Variants in NUP85 observed in about 807,000 individuals in gnomAD.
NUP85 encodes the protein nuclear pore complex protein Nup85.
A neutral mutation model predicts 92.8 loss-of-function variants in NUP85; 23 were observed. The observed-to-expected ratio is 0.25, with a 90% confidence interval of 0.18 to 0.35. NUP85 has a LOEUF of 0.35. Among genes scored for constraint, NUP85 ranks in the 10% least tolerant of loss-of-function variants. The pLI is 1.00. For synonymous variants in NUP85, 314 were observed against 306.9 expected (o/e 1.02, Z -0.24); for missense variants, 759 against 822.8 (o/e 0.92, Z 0.95).
At chr17:75,227,326 GTTTTTTTTT>G (rs71159460) in intron 11 of NUP85, among the ~76,000 whole-genome samples, 1 of 114,152 alleles carries the variant, frequency 8.8e-6, no homozygotes, top group Non-Finnish European at 1.7e-5. Flanking sequence ...TTGTTTCTGG[GTTTTTTTTT>G]TTTTTTTTTT....
chr17:75,230,782 T>TTA (rs1413734272), intron 11 of NUP85, among the ~76,000 whole-genome samples: 1 of 152,108 alleles, frequency 6.6e-6, no homozygotes, highest in Non-Finnish European at 1.5e-5. Context: ...TAGCTGGGTG[T>TTA]GGTAGCGCAT....
At chr17:75,211,150 G>C (rs564416875) in intron 3 of NUP85, among the ~76,000 whole-genome samples, 2 of 150,088 alleles carry the variant, frequency 1.3e-5, no homozygotes, top group Non-Finnish European at 3.0e-5. Context: ...TTACAGGTGC[G>C]TGCCACCACG....
chr17:75,234,955 C>A, intron 17 of NUP85, 145 bp from the exon 18 acceptor site: 1 of 1,062,512 alleles, frequency 9.4e-7, no homozygotes, highest in Non-Finnish European at 1.5e-6. Flanking sequence ...GAAACAAACA[C>A]TGCTTGATTT....
At chr17:75,228,840 G>T in intron 11 of NUP85, 2 of 985,464 alleles carry the variant, frequency 2.0e-6, no homozygotes, top group Non-Finnish European at 2.4e-6. Flanking sequence ...AAGGCAGCCA[G>T]GGGATCCTGA....
chr17:75,206,467 A>G (rs73352458), intron 1 of NUP85, among the ~76,000 whole-genome samples: 10,263 of 151,962 alleles, frequency 0.068, 951 homozygotes, highest in African/African-American at 0.2. Context: ...TCACAGGAGG[A>G]TCTGAGACCT....
chr17:75,222,275 G>A (rs934760523), intron 7 of NUP85, among the ~76,000 whole-genome samples: 3 of 151,922 alleles, frequency 2.0e-5, no homozygotes, highest in Non-Finnish European at 4.4e-5. Context: ...AAACTCCTGG[G>A]CCCAAGCAAT....
intron 6 of NUP85, 125 bp from the exon 7 acceptor site, chr17:75,218,060 C>T: frequency 6.4e-6 from 8 of 1,247,958 alleles, no homozygotes; most frequent in Non-Finnish European, 9.0e-6. Context: ...ATGTGTGTGA[C>T]TGCTTAAAAG....
chr17:75,218,780 A>C (rs952458123), intron 7 of NUP85, among the ~76,000 whole-genome samples: 1 of 151,992 alleles, frequency 6.6e-6, no homozygotes, highest in Non-Finnish European at 1.5e-5. Context: ...GAGAAAAGAT[A>C]GTCCGACTCT....
At chr17:75,226,477 TTCA>T (rs2075799093) in intron 11 of NUP85, among the ~76,000 whole-genome samples, 1 of 152,132 alleles carries the variant, frequency 6.6e-6, no homozygotes, top group Admixed American at 6.5e-5. Context: ...ACAAACTCCC[TTCA>T]TCAAGTCGCT....
intron 16 of NUP85, among the ~76,000 whole-genome samples, chr17:75,234,275 C>T (rs1202147044): frequency 2.6e-5 from 4 of 151,834 alleles, no homozygotes; most frequent in Non-Finnish European, 5.9e-5. Context: ...TGGTCTCAAA[C>T]TCCTGACCTC....
intron 3 of NUP85, 115 bp from the exon 4 acceptor site, chr17:75,211,877 A>G: frequency 2.5e-6 from 2 of 789,412 alleles, no homozygotes; most frequent in Admixed American, 2.2e-5. Context: ...GAGCTCCTTC[A>G]CAACGGCTCT....
chr17:75,212,228 GGTTTTTTTT>G (rs2075288627), intron 4 of NUP85, among the ~76,000 whole-genome samples, 166 bp downstream of exon 4: 1 of 84,564 alleles, frequency 1.2e-5, no homozygotes, highest in African/African-American at 4.7e-5. Flanking sequence ...ATCATTTAGA[GGTTTTTTTT>G]TTTGTTGTTG....
At chr17:75,223,046 A>C (rs77751030) in intron 7 of NUP85, among the ~76,000 whole-genome samples, 2 of 151,298 alleles carry the variant, frequency 1.3e-5, no homozygotes, top group African/African-American at 2.4e-5. Flanking sequence ...AAAAAAAAAA[A>C]AAAAAAAACT....
At chr17:75,224,871 C>T (rs564430729) in intron 7 of NUP85, among the ~76,000 whole-genome samples, 45 of 149,888 alleles carry the variant, frequency 3.0e-4, no homozygotes, top group Admixed American at 6.0e-4. Context: ...TAATGGACTA[C>T]AGCTGGCTGT....
At chr17:75,234,584 T>C in intron 16 of NUP85, 53 bp from the exon 17 acceptor site, 1 of 1,600,646 alleles carries the variant, frequency 6.2e-7, no homozygotes, top group Non-Finnish European at 8.6e-7. Flanking sequence ...TAGGTGTCAC[T>C]TGGGCAATTT....
At chr17:75,216,380 C>T (rs2075433845) in intron 6 of NUP85, 2 of 152,432 alleles carry the variant, frequency 1.3e-5, no homozygotes, top group Non-Finnish European at 1.5e-5. Flanking sequence ...ATTCTCCTGC[C>T]TCAACCTCCT....
intron 14 of NUP85, among the ~76,000 whole-genome samples, chr17:75,232,610 C>T (rs1439085795): frequency 6.6e-6 from 1 of 152,100 alleles, no homozygotes; most frequent in Non-Finnish European, 1.5e-5. Flanking sequence ...CGTTTTGCTC[C>T]CCTTGAAGCC....
rs565825247 is a variant in NUP85 at position 75,215,991 on chromosome 17, T to C, written c.475+168T>C. ...AAACACCCAAAGAAACCTGACCGTT[T>C]TGTCAGGTGCTGCAAAAAGAATCAT... On this transcript the variant is annotated intron_variant, in intron 6 of 18. Coordinates refer to ENST00000245544, the MANE Select transcript of NUP85 (RefSeq NM_024844.5). Among the ~76,000 whole-genome samples, 4 of 152,330 alleles carry C rather than the reference T, an allele frequency of 2.6e-5. No homozygotes were observed. The South Asian group carries it at 8.3e-4, about 32-fold the overall frequency.
At chr17:75,230,117 C>T (rs2075989094) in intron 11 of NUP85, among the ~76,000 whole-genome samples, 1 of 150,904 alleles carries the variant, frequency 6.6e-6, no homozygotes, top group South Asian at 2.1e-4. Flanking sequence ...GATCTCAGCT[C>T]ACTGCAGCCT....
Sources: gnomAD v4.1 joint callset for allele counts (sites outside exome capture counted in the v4.1 genomes callset) on GRCh38, gnomAD v4.1.1 for gene constraint, MANE v1.5 for transcripts, NCBI Gene and HGNC (gene_info 2026-07-23, HGNC 2026-07-21) for gene names.